Variants in IL1RAPL1 observed in about 807,000 individuals in gnomAD.
IL1RAPL1 encodes the protein interleukin-1 receptor accessory protein-like 1.
A neutral mutation model predicts 48.4 loss-of-function variants in IL1RAPL1; 3 were observed. That is an observed-to-expected ratio of 0.06 (90% confidence interval 0.03 to 0.16). The LOEUF (loss-of-function observed/expected upper bound fraction) is 0.16. Among genes scored for constraint, IL1RAPL1 ranks in the 10% least tolerant of loss-of-function variants. The pLI, the probability that IL1RAPL1 is intolerant of heterozygous loss-of-function variation, is 1.00. For synonymous variants in IL1RAPL1, 185 were observed against 187.7 expected (o/e 0.99, Z 0.12); for missense variants, 349 against 530.6 (o/e 0.66, Z 3.36).
intron 2 of IL1RAPL1, among the ~76,000 whole-genome samples, chrX:28,881,642 A>C (rs1017802204): frequency 1.3e-4 from 14 of 111,812 alleles, no homozygotes; most frequent in Non-Finnish European, 2.4e-4. Flanking sequence ...AAGCAAAATC[A>C]GGAAAATGAA....
chrX:29,119,295 CTTACAA>C (rs1271113509), intron 2 of IL1RAPL1, among the ~76,000 whole-genome samples: 1 of 110,991 alleles, frequency 9.0e-6, no homozygotes, highest in South Asian at 3.8e-4. Flanking sequence ...GAACCATTTT[CTTACAA>C]TTACTTATGG....
chrX:29,341,031 C>T (rs1018911848), intron 3 of IL1RAPL1, among the ~76,000 whole-genome samples: 2 of 111,998 alleles, frequency 1.8e-5, no homozygotes, highest in African/African-American at 6.5e-5. Flanking sequence ...TTCAAATGTC[C>T]ACTGAAATCA....
rs373341627 is a variant in IL1RAPL1 at position 28,952,905 on chromosome X, G to A, written c.82+163480G>A. ...GACATATTAGCAGGATAAAACAAGG[G>A]TCATGATAAAACTGAATTTATTTTT... On this transcript the variant is annotated intron_variant, in intron 2 of 10. Transcript: ENST00000378993. Among the ~76,000 whole-genome samples the A allele has an allele frequency of 7.2e-5, 8 of 111,204 alleles. No homozygotes were observed. The East Asian group carries it at 2.3e-3, about 31-fold the overall frequency.
At chrX:28,830,992 TTCTCTC>T (rs1160527555) in intron 2 of IL1RAPL1, among the ~76,000 whole-genome samples, 7 of 16,069 alleles carry the variant, frequency 4.4e-4, no homozygotes, top group South Asian at 5.3e-3. Flanking sequence ...TGCCCAGGGT[TTCTCTC>T]TCTCTCTCTC....
intron 2 of IL1RAPL1, among the ~76,000 whole-genome samples, chrX:28,933,230 G>A (rs1325217246): frequency 9.0e-6 from 1 of 111,149 alleles, no homozygotes; most frequent in African/African-American, 3.3e-5. Context: ...TGCTTTTACT[G>A]TCTTAGGCCC....
In IL1RAPL1 at chrX:29,289,490, A is replaced by G. The variant is rs144611001; in HGVS notation, c.362+6273A>G. Among the ~76,000 whole-genome samples the G allele has an allele frequency of 7.0e-3, 791 of 112,262 alleles. 4 individuals carry two copies. The highest frequency in any genetic ancestry group is 0.025 in the African/African-American group (767 of 30,966). ...TTAGTATAGCTATATGGTGGTGAAA[A>G]TATCAACTAGAGTGATTCCTCCTAC... On this transcript the variant is annotated intron_variant, in intron 3 of 10. Coordinates refer to ENST00000378993, the MANE Select transcript of IL1RAPL1 (RefSeq NM_014271.4).
chrX:29,933,884 A>G (rs1274734935), intron 8 of IL1RAPL1, among the ~76,000 whole-genome samples: 1 of 110,997 alleles, frequency 9.0e-6, no homozygotes, highest in African/African-American at 3.3e-5. Context: ...AAGGTGCCGT[A>G]TGAGCAGAGA....
chrX:28,677,397 GCAT>G (rs1935010446), intron 1 of IL1RAPL1, among the ~76,000 whole-genome samples: 1 of 111,811 alleles, frequency 8.9e-6, no homozygotes, highest in Non-Finnish European at 1.9e-5. Flanking sequence ...TTACAAATCT[GCAT>G]CATGATTATA....
chrX:29,503,278 T>C (rs1935294156), intron 5 of IL1RAPL1, among the ~76,000 whole-genome samples: 1 of 112,047 alleles, frequency 8.9e-6, no homozygotes, highest in African/African-American at 3.2e-5. Flanking sequence ...TTTTGCCTTA[T>C]GTCCTACCAT....
chrX:29,187,165 A>G (rs1356248730), intron 2 of IL1RAPL1, among the ~76,000 whole-genome samples: 1 of 112,249 alleles, frequency 8.9e-6, no homozygotes, highest in Non-Finnish European at 1.9e-5. Flanking sequence ...TATAACAACA[A>G]AGTATTTAGC....
At chrX:29,306,910 T>C (rs1244243323) in intron 3 of IL1RAPL1, among the ~76,000 whole-genome samples, 1 of 106,786 alleles carries the variant, frequency 9.4e-6, no homozygotes, top group Non-Finnish European at 1.9e-5. Flanking sequence ...AATATAAATG[T>C]GAACTTGTTA....
chrX:29,081,016 CTCTCTTTCTTTTCTTTTCTTTTCT>C (rs1488240683), intron 2 of IL1RAPL1, among the ~76,000 whole-genome samples: 4 of 54,407 alleles, frequency 7.4e-5, no homozygotes, highest in Non-Finnish European at 1.0e-4. Context: ...CTCTCTCTCT[CTCTCTTTCTTTTCTTTTCTTTTCT>C]TTTCTTTTCT....
intron 5 of IL1RAPL1, among the ~76,000 whole-genome samples, chrX:29,602,294 A>G (rs985755562): frequency 8.9e-6 from 1 of 111,735 alleles, no homozygotes; most frequent in East Asian, 2.8e-4. Context: ...ATTCTTAATA[A>G]GAGGTTGTAA....
intron 2 of IL1RAPL1, among the ~76,000 whole-genome samples, chrX:28,824,980 G>A (rs1425065179): frequency 2.7e-5 from 3 of 111,500 alleles, no homozygotes; most frequent in African/African-American, 9.8e-5. Context: ...CCAATGTTAT[G>A]AAGGGTATGC....
intron 5 of IL1RAPL1, among the ~76,000 whole-genome samples, chrX:29,401,774 G>A (rs1933995627): frequency 9.0e-6 from 1 of 111,116 alleles, no homozygotes; most frequent in Admixed American, 9.6e-5. Flanking sequence ...GCTTTTATGG[G>A]TGATCGATCC....
intron 2 of IL1RAPL1, among the ~76,000 whole-genome samples, chrX:28,947,773 C>T (rs1924346866): frequency 9.0e-6 from 1 of 111,468 alleles, no homozygotes; most frequent in South Asian, 3.7e-4. Flanking sequence ...ATATGTACTA[C>T]TTATATGAAA....
rs1931740822 is a variant in IL1RAPL1 at position 29,868,521 on chromosome X, C to A, written c.779-48943C>A. Among the ~76,000 whole-genome samples the A allele has an allele frequency of 2.7e-5, 3 of 112,055 alleles. No individual in the cohort carries two copies. The Admixed American group carries it at 2.8e-4, about 11-fold the overall frequency. On this transcript the variant is annotated intron_variant, in intron 6 of 10. Coordinates refer to ENST00000378993, the MANE Select transcript of IL1RAPL1 (RefSeq NM_014271.4). ...TCTGGCTAGGCCCCCTGCTCTAATG[C>A]TTAACACAATGCGTGGCACATGGTT... is the stretch of plus-strand genomic sequence containing the variant.
chrX:29,802,809 A>ATGTGTG (rs749866102), intron 6 of IL1RAPL1, among the ~76,000 whole-genome samples: 1 of 46,796 alleles, frequency 2.1e-5, no homozygotes, highest in African/African-American at 1.2e-4. Context: ...ATATATATAT[A>ATGTGTG]TGTGTGTATA....
intron 2 of IL1RAPL1, among the ~76,000 whole-genome samples, chrX:29,176,295 G>C (rs1400991490): frequency 9.9e-6 from 1 of 101,243 alleles, no homozygotes; most frequent in East Asian, 3.1e-4. Flanking sequence ...TAGTAGAGAC[G>C]GGGTTTCACC....
Sources: gnomAD v4.1 joint callset for allele counts (sites outside exome capture counted in the v4.1 genomes callset) on GRCh38, gnomAD v4.1.1 for gene constraint, MANE v1.5 for transcripts, NCBI Gene and HGNC (gene_info 2026-07-23, HGNC 2026-07-21) for gene names.